Variants in OSBPL11 observed in about 807,000 individuals in gnomAD.
OSBPL11 encodes the protein oxysterol-binding protein-related protein 11.
In OSBPL11, 33 loss-of-function variants were observed where a neutral mutation model predicts 84.4. The observed-to-expected ratio is 0.39, with a 90% CI of 0.30 to 0.52. The LOEUF (loss-of-function observed/expected upper bound fraction) is 0.52. OSBPL11 is among the 20% of genes least tolerant of loss of function. The pLI, the probability that OSBPL11 is intolerant of heterozygous loss-of-function variation, is 0.72. For synonymous variants in OSBPL11, 276 were observed against 310.2 expected (o/e 0.89, Z 1.16); for missense variants, 736 against 901.1 (o/e 0.82, Z 2.35).
At position 125,529,994 on chromosome 3, in the gene OSBPL11, A is replaced by ATT. The variant is rs11458216; in HGVS notation, c.*519_*520dup. The ATT allele has an allele frequency of 2.0e-4, 31 of 151,846 alleles. No homozygotes were observed. The highest frequency in any genetic ancestry group is 4.1e-4 in the South Asian group (2 of 4,876). 9.4% of individuals were successfully genotyped at this position (151,846 alleles called of 1,614,324 possible). ...ATGCCTTGTTACCACAACCTGGTTG[A>ATT]TTTTTTTTTTTAAACACTGATTTCA... On this transcript the variant is annotated 3_prime_UTR_variant, in exon 13 of 13. Transcript: ENST00000296220.
At chr3:125,588,450 T>C (rs1204551121) in intron 1 of OSBPL11, among the ~76,000 whole-genome samples, 1 of 152,162 alleles carries the variant, frequency 6.6e-6, no homozygotes, top group Non-Finnish European at 1.5e-5. Context: ...TATGAGCCAA[T>C]TCCTCATAAT....
intron 9 of OSBPL11, among the ~76,000 whole-genome samples, chr3:125,551,088 GAGT>G (rs1935899261): frequency 1.3e-5 from 2 of 149,564 alleles, no homozygotes; most frequent in South Asian, 4.2e-4. Context: ...GGCTTGAGCC[GAGT>G]AGGTCAAGGC....
Position 125,531,904 on chromosome 3 carries a change from G to C in OSBPL11, c.2135C>G (p.Thr712Ser), listed in dbSNP as rs1435395819. ...GGTTTTCCAAGGTGTGCCTGTTTCA[G>C]TACGATGCCTTTCTTCAGTCCTCTG... ...ERQRTEERHRTETGTPWKTKY... is the reference protein window; with the variant it reads ...ERQRTEERHRSETGTPWKTKY... The change falls in exon 12 of 13, where the codon ACT becomes AGT. Residue 712 changes from threonine to serine, a missense_variant. By Grantham distance (58) the Thr-to-Ser change is moderately conservative. Around this residue, in one of 3 missense-constraint regions of OSBPL11, gnomAD observed 579 missense variants for 717.6 expected, o/e 0.81. Coordinates refer to ENST00000296220, the MANE Select transcript of OSBPL11 (RefSeq NM_022776.5). 6.2e-7 allele frequency: 1 copy of C among 1,613,918 alleles called. No individual in the cohort carries two copies.
chr3:125,534,482 T>C (rs547855125), intron 11 of OSBPL11, among the ~76,000 whole-genome samples: 1 of 151,968 alleles, frequency 6.6e-6, no homozygotes, highest in Non-Finnish European at 1.5e-5. Context: ...AGTATATTCT[T>C]TCACCAAAAT....
At chr3:125,589,663 A>G (rs1936568890) in intron 1 of OSBPL11, among the ~76,000 whole-genome samples, 1 of 151,930 alleles carries the variant, frequency 6.6e-6, no homozygotes, top group African/African-American at 2.4e-5. Flanking sequence ...CTTCAAATCA[A>G]CTCAGAAGAA....
chr3:125,534,090 A>C (rs1935601848), intron 11 of OSBPL11, among the ~76,000 whole-genome samples: 1 of 152,208 alleles, frequency 6.6e-6, no homozygotes, highest in Non-Finnish European at 1.5e-5. Flanking sequence ...GGCACATGAA[A>C]CATTTACCAA....
chr3:125,561,078 A>G (rs934752045), intron 7 of OSBPL11, among the ~76,000 whole-genome samples: 5 of 151,422 alleles, frequency 3.3e-5, no homozygotes, highest in African/African-American at 1.2e-4. Context: ...GCTCACTACA[A>G]CCTCCACCTC....
intron 1 of OSBPL11, among the ~76,000 whole-genome samples, chr3:125,583,843 C>T (rs78021903): frequency 5.3e-5 from 8 of 152,194 alleles, no homozygotes; most frequent in African/African-American, 1.4e-4. Context: ...CTTATACTTC[C>T]GGCCCAGGTC....
intron 1 of OSBPL11, among the ~76,000 whole-genome samples, chr3:125,594,128 C>A (rs1181914592): frequency 6.6e-6 from 1 of 152,146 alleles, no homozygotes; most frequent in Non-Finnish European, 1.5e-5. Context: ...AGGATCTCTA[C>A]CTTTGTCCTT....
chr3:125,561,535 A>C (rs1285722251), intron 7 of OSBPL11, among the ~76,000 whole-genome samples: 3 of 152,212 alleles, frequency 2.0e-5, no homozygotes, highest in African/African-American at 7.2e-5. Context: ...AAATGCACAT[A>C]ATCTATTCAT....
chr3:125,558,101 A>G (rs1936019373), intron 8 of OSBPL11, among the ~76,000 whole-genome samples: 1 of 152,110 alleles, frequency 6.6e-6, no homozygotes, highest in Non-Finnish European at 1.5e-5. Context: ...GCCACATACA[A>G]CTTTTTAATC....
At chr3:125,581,690 C>A in intron 2 of OSBPL11, among the ~76,000 whole-genome samples, 1 of 103,166 alleles carries the variant, frequency 9.7e-6, no homozygotes, top group Non-Finnish European at 1.8e-5. Flanking sequence ...AGTGAGACTC[C>A]ATCTCAAAAA....
chr3:125,594,765 G>T lies in OSBPL11; in HGVS notation c.36C>A (p.Val12=), dbSNP rs549739778. Residue 12 remains valine (V), a synonymous_variant, in exon 1 of 13, where the codon GTC becomes GTA. Transcript: ENST00000296220. ...QGGEPVSTMK[V]SESEGKLEGQ... is the part of the protein sequence containing the mutation. ...CCTCCAGCTTTCCTTCGCTCTCCGAGACTTTCATTGTGGACACTGGTTCAC... is the reference window on the plus strand; with the variant it reads ...CCTCCAGCTTTCCTTCGCTCTCCGATACTTTCATTGTGGACACTGGTTCAC... 2 of 1,614,140 alleles carry T rather than the reference G, an allele frequency of 1.2e-6. No individual in the cohort carries two copies. The highest frequency in any genetic ancestry group is 2.2e-5 in the East Asian group (1 of 44,890).
At position 125,594,803 on chromosome 3, in the gene OSBPL11, T is replaced by G. The variant is rs200981286; in HGVS notation, c.-3A>C. On this transcript the variant is annotated 5_prime_UTR_variant, in exon 1 of 13. Coordinates refer to ENST00000296220, the MANE Select transcript of OSBPL11 (RefSeq NM_022776.5). ...GACACTGGTTCACCCCCCTGCATCT[T>G]AACGCCAAAGTCCACTTGCCCTTCT... 2 of 1,613,130 alleles carry G rather than the reference T, an allele frequency of 1.2e-6. No homozygotes were observed.
chr3:125,554,456 C>A (rs968976414), intron 8 of OSBPL11, among the ~76,000 whole-genome samples: 1 of 152,128 alleles, frequency 6.6e-6, no homozygotes, highest in African/African-American at 2.4e-5. Context: ...AATGGCCCAT[C>A]CAGATTATGG....
rs150159261 is a variant in OSBPL11, at chr3:125,554,771, T to C, written c.1156-2092A>G. Among the ~76,000 whole-genome samples, 20 of 151,630 alleles carry C rather than the reference T, an allele frequency of 1.3e-4. No homozygotes were observed. The East Asian group carries it at 3.1e-3, about 23-fold the overall frequency. ...AAAAGTCAAAAGAAGAGTTAAAAGA[T>C]AAAAGGCGAGGAAATCTCCCATAAC... On this transcript the variant is annotated intron_variant, in intron 8 of 12. Transcript: ENST00000296220.
chr3:125,537,373 T>A (rs1361084609), intron 11 of OSBPL11, among the ~76,000 whole-genome samples: 1 of 152,076 alleles, frequency 6.6e-6, no homozygotes, highest in Non-Finnish European at 1.5e-5. Flanking sequence ...TGCACCATCA[T>A]AAGAGCCCAC....
chr3:125,559,539 G>A (rs935086235), intron 8 of OSBPL11, among the ~76,000 whole-genome samples: 5 of 152,046 alleles, frequency 3.3e-5, no homozygotes, highest in Non-Finnish European at 7.4e-5. Context: ...AGGCCACCAT[G>A]CCCGGCTAAT....
rs755910885 is a variant in OSBPL11 at position 125,538,530 on chromosome 3, T to G, written c.1945A>C (p.Lys649Gln). ...LEFTYSNGETKYVDLTKLAVT... is the reference protein window; with the variant it reads ...LEFTYSNGETQYVDLTKLAVT... ...GCCAATTTAGTCAAGTCCACATACT[T>G]TGTCTCTCCATTGCTATATGTGAAC... The change falls in exon 11 of 13, where the codon AAG becomes CAG. Residue 649 changes from lysine to glutamine, a missense_variant. This residue lies in a region of OSBPL11 where 579 missense variants were observed against 717.6 expected (regional missense o/e 0.81). Transcript: ENST00000296220. The G allele has an allele frequency of 1.2e-6, 2 of 1,614,166 alleles. No homozygotes were observed. The highest frequency in any genetic ancestry group is 1.7e-6 in the Non-Finnish European group (2 of 1,180,004).
Sources: gnomAD v4.1 joint callset for allele counts (sites outside exome capture counted in the v4.1 genomes callset) on GRCh38, gnomAD v4.1.1 for gene constraint, gnomAD v4.1.1 regional missense constraint, MANE v1.5 for transcripts, NCBI Gene and HGNC (gene_info 2026-07-23, HGNC 2026-07-21) for gene names.